The following MTHFD1L variants were observed in gnomAD, a reference collection of about 807,000 sequenced individuals.
MTHFD1L encodes monofunctional C1-tetrahydrofolate synthase, mitochondrial.
Under a neutral mutation model 119.5 loss-of-function variants are expected in MTHFD1L, and 81 were observed. That is an observed-to-expected ratio of 0.68 (90% CI 0.57 to 0.82). MTHFD1L has a LOEUF of 0.82. MTHFD1L is among the 40% of genes least tolerant of loss of function. MTHFD1L has a pLI of 0.00. For synonymous variants in MTHFD1L, 430 were observed against 475.2 expected (o/e 0.90, Z 1.24); for missense variants, 1,125 against 1,253.4 (o/e 0.90, Z 1.55).
chr6:151,019,928 G>A (rs1311592231), intron 24 of MTHFD1L, among the ~76,000 whole-genome samples: 2 of 152,146 alleles, frequency 1.3e-5, no homozygotes, highest in African/African-American at 4.8e-5. Flanking sequence ...ATGGTTTTCT[G>A]GAAGCCCTTT....
intron 8 of MTHFD1L, among the ~76,000 whole-genome samples, 171 bp downstream of exon 8, chr6:150,905,932 AAG>A (rs1256657718): frequency 3.3e-5 from 5 of 152,232 alleles, no homozygotes. Context: ...CTGTTGAGCA[AAG>A]AGAGACCAAG....
chr6:151,046,072 A>G (rs1195856436), intron 26 of MTHFD1L, among the ~76,000 whole-genome samples: 2 of 152,202 alleles, frequency 1.3e-5, no homozygotes, highest in East Asian at 1.9e-4. Flanking sequence ...ATCTAGGTCC[A>G]ATCCATTTGT....
intron 10 of MTHFD1L, among the ~76,000 whole-genome samples, chr6:150,923,509 CTTTATTTATTTATTTA>C (rs368593673): frequency 8.5e-6 from 1 of 118,044 alleles, no homozygotes; most frequent in African/African-American, 3.4e-5. Context: ...GTAACTGACA[CTTTATTTATTTATTTA>C]TTTATTTATT....
chr6:151,095,424 A>G (rs934172019), intron 27 of MTHFD1L, among the ~76,000 whole-genome samples: 2 of 152,156 alleles, frequency 1.3e-5, no homozygotes, highest in African/African-American at 4.8e-5. Context: ...TGATTCTCCC[A>G]TCTCTCTTGG....
chr6:150,925,541 C>T (rs574193156), intron 10 of MTHFD1L, among the ~76,000 whole-genome samples: 1 of 152,234 alleles, frequency 6.6e-6, no homozygotes, highest in African/African-American at 2.4e-5. Context: ...CTTTTACCGA[C>T]AGTTATGTAA....
At chr6:151,088,700 G>A (rs1278485778) in intron 26 of MTHFD1L, among the ~76,000 whole-genome samples, 2 of 143,746 alleles carry the variant, frequency 1.4e-5, no homozygotes, top group African/African-American at 2.6e-5. Flanking sequence ...CAAGTGATCC[G>A]CCCGCCTCGG....
intron 4 of MTHFD1L, among the ~76,000 whole-genome samples, chr6:150,879,810 G>A (rs1478920556): frequency 6.6e-6 from 1 of 151,482 alleles, no homozygotes; most frequent in Non-Finnish European, 1.5e-5. Context: ...TTGCATTTTT[G>A]TAGAGACGGG....
chr6:150,959,872 A>C (rs1021662221), intron 17 of MTHFD1L, among the ~76,000 whole-genome samples: 1 of 152,190 alleles, frequency 6.6e-6, no homozygotes, highest in Non-Finnish European at 1.5e-5. Flanking sequence ...CCTGCCTAAT[A>C]TAGTCCCTGC....
chr6:150,944,007 A>C (rs1347638403), intron 13 of MTHFD1L, among the ~76,000 whole-genome samples: 1 of 152,210 alleles, frequency 6.6e-6, no homozygotes, highest in Non-Finnish European at 1.5e-5. Context: ...ATGCATCAGA[A>C]TGTTTTGCCT....
At chr6:151,073,794 GC>G (rs1400741559) in intron 26 of MTHFD1L, among the ~76,000 whole-genome samples, 1 of 152,086 alleles carries the variant, frequency 6.6e-6, no homozygotes, top group Non-Finnish European at 1.5e-5. Flanking sequence ...ACAGAAAAAG[GC>G]TGAAAAGAAG....
At chr6:150,904,810 G>A (rs111446242) in intron 7 of MTHFD1L, among the ~76,000 whole-genome samples, 8 of 152,292 alleles carry the variant, frequency 5.3e-5, no homozygotes, top group African/African-American at 1.9e-4. Context: ...AATGCATTTT[G>A]TTGGAGTGGT....
intron 7 of MTHFD1L, among the ~76,000 whole-genome samples, chr6:150,903,910 A>G (rs1325488821): frequency 6.6e-6 from 1 of 152,240 alleles, no homozygotes; most frequent in East Asian, 1.9e-4. Flanking sequence ...TTTCCAAGGT[A>G]TTAGCTTTTA....
chr6:150,902,456 G>T (rs1246970325), intron 7 of MTHFD1L, among the ~76,000 whole-genome samples: 1 of 152,190 alleles, frequency 6.6e-6, no homozygotes, highest in African/African-American at 2.4e-5. Context: ...TTTGGCCAGG[G>T]TCTCTCCCAT....
chr6:151,075,112 A>G (rs1431959487), intron 26 of MTHFD1L, among the ~76,000 whole-genome samples: 8 of 152,210 alleles, frequency 5.3e-5, no homozygotes, highest in Admixed American at 5.2e-4. Context: ...AGATAGGACA[A>G]TAAGAAAAAG....
chr6:150,960,712 C>T (rs140596867), intron 18 of MTHFD1L, among the ~76,000 whole-genome samples: 3,768 of 152,182 alleles, frequency 0.025, 194 homozygotes, highest in Admixed American at 0.14. Flanking sequence ...GGAGGAGTCA[C>T]CCCCCTGCAG....
rs560286643 is a variant in MTHFD1L, at chr6:151,017,473, A to G, written c.2586+1780A>G. On this transcript the variant is annotated intron_variant, in intron 24 of 27. Coordinates refer to ENST00000367321, the MANE Select transcript of MTHFD1L (RefSeq NM_015440.5). ...GCAATTCTCCTGCCTCAGGCTCCCG[A>G]GTAGCTGGGATTACAGGCGTGCACC... Among the ~76,000 whole-genome samples the G allele has an allele frequency of 3.3e-5, 5 of 151,792 alleles. No individual in the cohort carries two copies. In the East Asian group the frequency reaches 7.8e-4, roughly 24 times the overall value.
intron 20 of MTHFD1L, among the ~76,000 whole-genome samples, chr6:150,995,272 T>C (rs1472367000): frequency 6.6e-6 from 1 of 152,148 alleles, no homozygotes; most frequent in African/African-American, 2.4e-5. Flanking sequence ...CCCAGCACTT[T>C]GGGAGGCCGA....
chr6:150,866,773 G>A, intron 1 of MTHFD1L: 1 of 885,274 alleles, frequency 1.1e-6, no homozygotes, highest in Non-Finnish European at 1.4e-6. Flanking sequence ...AGAGCGAACT[G>A]GGAGCCCCGG....
chr6:150,994,064 T>TAAAAAAAAAAAAAAA (rs746589557), intron 20 of MTHFD1L, among the ~76,000 whole-genome samples: 4 of 74,266 alleles, frequency 5.4e-5, no homozygotes, highest in Admixed American at 1.6e-4. Context: ...ACAACAACAG[T>TAAAAAAAAAAAAAAA]AAAAAAAAAA....
Sources: gnomAD v4.1 joint callset for allele counts (sites outside exome capture counted in the v4.1 genomes callset) on GRCh38, gnomAD v4.1.1 for gene constraint, MANE v1.5 for transcripts, NCBI Gene and HGNC (gene_info 2026-07-23, HGNC 2026-07-21) for gene names.